MMP2: variants seen among roughly 807,000 people sequenced by gnomAD.
MMP2 encodes the protein 72 kDa type IV collagenase.
A neutral mutation model predicts 74.8 loss-of-function variants in MMP2; 39 were observed. That is an observed-to-expected ratio of 0.52 (90% CI 0.40 to 0.68). The LOEUF (loss-of-function observed/expected upper bound fraction) is 0.68. MMP2 is among the 30% of genes least tolerant of loss of function. MMP2 has a pLI of 0.00. For missense variants in MMP2, 803 were observed against 878.3 expected (o/e 0.91, Z 1.08); for synonymous variants, 367 against 339.8 (o/e 1.08, Z -0.88).
In MMP2 at chr16:55,484,068, G is replaced by A. The variant is rs368499410; in HGVS notation, c.433G>A (p.Ala145Thr). The part of the protein sequence containing the change: ...LDPETVDDAF[A>T]RAFQVWSDVT... ...CCCAGAGACAGTGGATGATGCCTTT[G>A]CTCGTGCCTTCCAAGTCTGGAGCGA... The change falls in exon 3 of 13, where the codon GCT becomes ACT. Residue 145 changes from alanine to threonine, a missense_variant. By Grantham distance (58) the Ala-to-Thr change is moderately conservative (BLOSUM62 0). Coordinates refer to ENST00000219070, the MANE Select transcript of MMP2 (RefSeq NM_004530.6). 3.7e-6 allele frequency: 6 copies of A among 1,614,078 alleles called. No individual in the cohort carries two copies. Among genetic ancestry groups the A allele is most frequent in the Non-Finnish European group, 5.1e-6 (6 of 1,180,038 alleles).
chr16:55,501,511 C>G (rs1258698212), intron 11 of MMP2, among the ~76,000 whole-genome samples: 2 of 152,146 alleles, frequency 1.3e-5, no homozygotes, highest in African/African-American at 4.8e-5. Context: ...AGTGGAGGTG[C>G]CTTGGATGGG....
At chr16:55,495,837 C>A (rs1257381103) in intron 9 of MMP2, among the ~76,000 whole-genome samples, 2 of 152,184 alleles carry the variant, frequency 1.3e-5, no homozygotes, top group Non-Finnish European at 2.9e-5. Flanking sequence ...CATCCTAAGG[C>A]CGGTTCTACC....
intron 11 of MMP2, among the ~76,000 whole-genome samples, chr16:55,499,371 T>C (rs2142369290): frequency 1.3e-5 from 2 of 152,136 alleles, no homozygotes; most frequent in Middle Eastern, 6.8e-3. Flanking sequence ...GGACAAAATA[T>C]GAAGAAGACT....
chr16:55,491,988 G>A (rs372001081), intron 8 of MMP2, 32 bp downstream of exon 8: 2 of 1,460,734 alleles, frequency 1.4e-6, no homozygotes, highest in Non-Finnish European at 1.9e-6. Flanking sequence ...GGGGGTGGAG[G>A]GTGAGGAGGG....
At chr16:55,488,500 A>G (rs1348252437) in intron 5 of MMP2, 43 bp from the exon 6 acceptor site, 2 of 1,598,928 alleles carry the variant, frequency 1.3e-6, no homozygotes, top group East Asian at 2.3e-5. Flanking sequence ...TGCCCATGGA[A>G]GCATGTCTCA....
Position 55,489,870 on chromosome 16 carries a change from G to C in MMP2, c.1180+46G>C, listed in dbSNP as rs12599775. 0.016 allele frequency: 26,068 copies of C among 1,601,162 alleles called. 620 individuals carry two copies. Among genetic ancestry groups the C allele is most frequent in the East Asian group, 0.094 (4,182 of 44,490 alleles). ...GACAGAGACCCTGGACATTGCCCTT[G>C]CCCCTAAACTTGCTCCAAAAACCTT... On this transcript the variant is annotated intron_variant, in intron 7 of 12. Transcript: ENST00000219070.
At position 55,488,636 on chromosome 16, in the gene MMP2, G is replaced by A; in HGVS notation, c.926G>A (p.Gly309Asp). The A allele has an allele frequency of 6.2e-7, 1 of 1,613,766 alleles. No homozygotes were observed. The highest frequency in any genetic ancestry group is 8.5e-7 in the Non-Finnish European group (1 of 1,179,894). Residue 309 changes from glycine (G) to aspartate (D), a missense_variant, in exon 6 of 13, where the codon GGC becomes GAC. Gly to Asp is a moderately conservative substitution (Grantham distance 94, BLOSUM62 -1). Coordinates refer to ENST00000219070, the MANE Select transcript of MMP2 (RefSeq NM_004530.6). ...GTSYDSCTTEGRTDGYRWCGT... is the reference protein window; with the variant it reads ...GTSYDSCTTEDRTDGYRWCGT... The stretch of plus-strand genomic sequence containing the variant: ...TCCTATGACAGCTGCACCACTGAGG[G>A]CCGCACGGATGGCTACCGCTGGTGC...
chr16:55,500,421 T>C (rs921145351), intron 11 of MMP2, among the ~76,000 whole-genome samples: 11 of 151,642 alleles, frequency 7.3e-5, no homozygotes, highest in African/African-American at 2.4e-4. Context: ...TTCCATGCAC[T>C]GTATCTATGT....
At chr16:55,504,974 G>A (rs1441378926) in intron 12 of MMP2, among the ~76,000 whole-genome samples, 2 of 151,538 alleles carry the variant, frequency 1.3e-5, no homozygotes, top group East Asian at 1.9e-4. Flanking sequence ...TTTTTTTGGC[G>A]GGGGGACAAG....
chr16:55,498,884 G>A (rs768570217), intron 11 of MMP2, among the ~76,000 whole-genome samples: 4 of 152,138 alleles, frequency 2.6e-5, no homozygotes, highest in Admixed American at 6.5e-5. Context: ...TTAGGTAACC[G>A]TGGCTGGGCA....
intron 12 of MMP2, among the ~76,000 whole-genome samples, chr16:55,504,440 C>G (rs185023194): frequency 6.6e-6 from 1 of 151,918 alleles, no homozygotes; most frequent in Admixed American, 6.5e-5. Flanking sequence ...TTAATAATAG[C>G]ATATGTTATC....
Position 55,482,868 on chromosome 16 carries a change from C to T in MMP2, c.154-41C>T, listed in dbSNP as rs768493710. The T allele has an allele frequency of 1.0e-5, 16 of 1,555,320 alleles. No homozygotes were observed. The Admixed American group carries it at 2.3e-4, about 23-fold the overall frequency. On this transcript the variant is annotated intron_variant, in intron 1 of 12. Transcript: ENST00000219070. ...CTGCTTTGGTCAGTACTGTGCCATC[C>T]TAATGTGGCTAATTGCCTTGGGGGT...
rs772911998 is a variant in MMP2, at chr16:55,485,438, G to T, written c.658+11G>T. ...TGGGAGAAGGCCAAGGTGAGAAAGG[G>T]GCCCTCTGCATGCCCCAGACCTTCT... On this transcript the variant is annotated intron_variant, in intron 4 of 12. Coordinates refer to ENST00000219070, the MANE Select transcript of MMP2 (RefSeq NM_004530.6). 1 of 1,614,046 alleles carries T rather than the reference G, an allele frequency of 6.2e-7. No individual in the cohort carries two copies. The highest frequency in any genetic ancestry group is 8.5e-7 in the Non-Finnish European group (1 of 1,180,016).
chr16:55,498,523 C>G, intron 11 of MMP2, 75 bp downstream of exon 11: 1 of 1,596,746 alleles, frequency 6.3e-7, no homozygotes. Flanking sequence ...AGGCTTCAAG[C>G]CTCCTGGGCT....
rs1297929099 is a variant in MMP2, at chr16:55,479,323, C to T, written c.-157C>T. On this transcript the variant is annotated 5_prime_UTR_variant, in exon 1 of 13. Transcript: ENST00000219070. ...GGGGGCTGGGGCGCGGGGGCCGGAC[C>T]ATGAGCCGCTGAGCCGGGCAAACCC... 1.2e-6 allele frequency: 1 copy of T among 868,046 alleles called. No individual in the cohort carries two copies. The highest frequency in any genetic ancestry group is 1.5e-6 in the Non-Finnish European group (1 of 655,558). The allele number at this position is 868,046 out of a possible 1,614,324, so 53.8% of individuals were successfully genotyped here. A position where few individuals can be genotyped will look rare whatever the true frequency, so the allele number is the denominator to read the frequency against.
In MMP2 at chr16:55,491,912, TC is replaced by T; in HGVS notation, c.1294del (p.Arg432ValfsTer66). 1.9e-6 allele frequency: 3 copies of T among 1,591,062 alleles called. No homozygotes were observed. The highest frequency in any genetic ancestry group is 2.6e-6 in the Non-Finnish European group (3 of 1,167,472). On this transcript the variant is annotated frameshift_variant, in exon 8 of 13. Transcript: ENST00000219070. LOFTEE classifies it high-confidence loss of function. ...MAPIYTYTKN[F>X]RLSQDDIKGI... ...CCCATTTACACCTACACCAAGAACT[TC>T]CGTCTGTCCCAGGATGACATCAAGG...
At chr16:55,484,325 G>A (rs771085624) in intron 3 of MMP2, among the ~76,000 whole-genome samples, 161 bp downstream of exon 3, 8 of 152,050 alleles carry the variant, frequency 5.3e-5, no homozygotes, top group Non-Finnish European at 5.9e-5. Flanking sequence ...AGCACAACAC[G>A]GAGTGGACAC....
chr16:55,505,209 C>G (rs1363679936), intron 12 of MMP2, 130 bp from the exon 13 acceptor site: 5 of 840,144 alleles, frequency 6.0e-6, no homozygotes, highest in Admixed American at 5.3e-5. Flanking sequence ...CCTGCCTCAG[C>G]CTTTCAAAGC....
chr16:55,498,547 G>A (rs1281836225), intron 11 of MMP2, 99 bp downstream of exon 11: 2 of 1,510,532 alleles, frequency 1.3e-6, no homozygotes, highest in Admixed American at 1.7e-5. Flanking sequence ...TTCAGAGGTT[G>A]GTGGGCTCTG....
Sources: gnomAD v4.1 joint callset for allele counts (sites outside exome capture counted in the v4.1 genomes callset) on GRCh38, gnomAD v4.1.1 for gene constraint, MANE v1.5 for transcripts, NCBI Gene and HGNC (gene_info 2026-07-23, HGNC 2026-07-21) for gene names.